Variants in GABRB2 observed in about 807,000 individuals in gnomAD.
GABRB2 encodes gamma-aminobutyric acid receptor subunit beta-2.
Under a neutral mutation model 54.7 loss-of-function variants are expected in GABRB2, and 16 were observed. The ratio of observed to expected loss-of-function variants is 0.29; its 90% CI spans 0.20 to 0.44. The LOEUF is 0.44. Among genes scored for constraint, GABRB2 ranks in the 20% least tolerant of loss-of-function variants. The pLI, the probability that GABRB2 is intolerant of heterozygous loss-of-function variation, is 1.00. For missense variants in GABRB2, 355 were observed against 644.0 expected, an observed-to-expected ratio of 0.55 and a Z score of 4.86; for synonymous variants, 244 against 233.8, an observed-to-expected ratio of 1.04 and a Z score of -0.40.
intron 3 of GABRB2, among the ~76,000 whole-genome samples, chr5:161,463,952 C>A (rs1302806634): frequency 2.0e-5 from 3 of 151,656 alleles, no homozygotes; most frequent in African/African-American, 7.3e-5. Context: ...AATTTAATTC[C>A]AGATATGTCA....
At chr5:161,333,298 G>A (rs1452145331) in intron 7 of GABRB2, among the ~76,000 whole-genome samples, 1 of 152,144 alleles carries the variant, frequency 6.6e-6, no homozygotes, top group African/African-American at 2.4e-5. Flanking sequence ...AACTAGATAT[G>A]GACCTTTCCT....
At chr5:161,296,522 G>A (rs1241927298) in intron 9 of GABRB2, among the ~76,000 whole-genome samples, 2 of 152,174 alleles carry the variant, frequency 1.3e-5, no homozygotes, top group Non-Finnish European at 2.9e-5. Flanking sequence ...CCTATTAAGG[G>A]AAATTTGCCT....
intron 3 of GABRB2, among the ~76,000 whole-genome samples, chr5:161,494,019 T>C (rs1379583061): frequency 6.6e-6 from 1 of 151,734 alleles, no homozygotes; most frequent in African/African-American, 2.4e-5. Flanking sequence ...TTGCAACAAA[T>C]ACATACAATT....
intron 5 of GABRB2, among the ~76,000 whole-genome samples, chr5:161,386,728 G>A (rs1415558669): frequency 6.6e-6 from 1 of 151,522 alleles, no homozygotes; most frequent in Non-Finnish European, 1.5e-5. Flanking sequence ...TTTTGGTGGA[G>A]GTGGGGTTTC....
chr5:161,414,951 C>T (rs1201163828), intron 4 of GABRB2, among the ~76,000 whole-genome samples: 1 of 152,056 alleles, frequency 6.6e-6, no homozygotes, highest in East Asian at 1.9e-4. Flanking sequence ...CAGGAATAAA[C>T]ATCTAAATCT....
At chr5:161,543,485 T>A (rs1760882115) in intron 3 of GABRB2, among the ~76,000 whole-genome samples, 1 of 152,138 alleles carries the variant, frequency 6.6e-6, no homozygotes, top group Admixed American at 6.5e-5. Flanking sequence ...AAAATCTCAT[T>A]TTGTGATGCT....
At chr5:161,540,966 C>T (rs1760792993) in intron 3 of GABRB2, among the ~76,000 whole-genome samples, 1 of 152,106 alleles carries the variant, frequency 6.6e-6, no homozygotes, top group East Asian at 1.9e-4. Flanking sequence ...CCACCTCAGC[C>T]TCCTGAGTAG....
At chr5:161,388,695 G>A (rs1755722792) in intron 5 of GABRB2, among the ~76,000 whole-genome samples, 1 of 151,798 alleles carries the variant, frequency 6.6e-6, no homozygotes, top group Non-Finnish European at 1.5e-5. Flanking sequence ...AAAATTAGAT[G>A]CTTTAGGGCT....
intron 9 of GABRB2, among the ~76,000 whole-genome samples, chr5:161,308,501 C>A (rs1757766922): frequency 6.6e-6 from 1 of 152,138 alleles, no homozygotes; most frequent in Non-Finnish European, 1.5e-5. Context: ...CTAGAAAAAA[C>A]TATCCATATA....
chr5:161,359,780 A>G (rs780040998), intron 5 of GABRB2, among the ~76,000 whole-genome samples: 35 of 152,168 alleles, frequency 2.3e-4, no homozygotes, highest in Non-Finnish European at 1.3e-4. Context: ...CTCATGTTAT[A>G]CTTTGTCTTT....
intron 3 of GABRB2, among the ~76,000 whole-genome samples, chr5:161,525,336 A>G (rs1760245126): frequency 6.6e-6 from 1 of 151,398 alleles, no homozygotes; most frequent in African/African-American, 2.4e-5. Flanking sequence ...AAATATTCCA[A>G]TGTATATCTT....
intron 3 of GABRB2, among the ~76,000 whole-genome samples, chr5:161,477,751 G>C (rs933546955): frequency 6.6e-6 from 1 of 151,942 alleles, no homozygotes; most frequent in Non-Finnish European, 1.5e-5. Context: ...GATGTATCTA[G>C]AGTAGTGAAG....
intron 3 of GABRB2, among the ~76,000 whole-genome samples, chr5:161,509,744 C>A (rs566743586): frequency 6.6e-6 from 1 of 151,974 alleles, no homozygotes; most frequent in South Asian, 2.1e-4. Context: ...TCCATACAAC[C>A]AGCACAGCTT....
At chr5:161,334,971 T>C (rs1053086339) in intron 6 of GABRB2, 67 bp from the exon 7 acceptor site, 2 of 1,481,402 alleles carry the variant, frequency 1.4e-6, no homozygotes, top group African/African-American at 2.8e-5. Context: ...TCTTTAAAGG[T>C]GCATAAACAG....
intron 4 of GABRB2, among the ~76,000 whole-genome samples, chr5:161,437,447 C>A (rs1368663403): frequency 1.3e-5 from 2 of 152,100 alleles, no homozygotes; most frequent in African/African-American, 2.4e-5. Context: ...TGGCAGCATT[C>A]ATCACTTGCT....
chr5:161,492,184 T>C (rs1431350060), intron 3 of GABRB2, among the ~76,000 whole-genome samples: 2 of 151,636 alleles, frequency 1.3e-5, no homozygotes, highest in South Asian at 2.1e-4. Flanking sequence ...TAAAATTGAC[T>C]CATAAAATAC....
At chr5:161,373,434 C>A (rs1485017476) in intron 5 of GABRB2, among the ~76,000 whole-genome samples, 1 of 152,166 alleles carries the variant, frequency 6.6e-6, no homozygotes, top group African/African-American at 2.4e-5. Flanking sequence ...GAACCATGCT[C>A]TTTTGGGGCT....
At chr5:161,466,855 A>G (rs1410576614) in intron 3 of GABRB2, among the ~76,000 whole-genome samples, 1 of 151,992 alleles carries the variant, frequency 6.6e-6, no homozygotes, top group Admixed American at 6.6e-5. Context: ...TTTATTATCT[A>G]TGGAGTTTTT....
chr5:161,381,189 C>A (rs1036096063), intron 5 of GABRB2, among the ~76,000 whole-genome samples: 1 of 152,130 alleles, frequency 6.6e-6, no homozygotes, highest in Non-Finnish European at 1.5e-5. Flanking sequence ...GGGTAAGTCA[C>A]TTCAACTTTT....
Sources: allele counts gnomAD v4.1 joint callset (sites outside exome capture counted in the v4.1 genomes callset), GRCh38; gene constraint gnomAD v4.1.1; transcripts MANE v1.5; gene names NCBI Gene and HGNC (gene_info 2026-07-23, HGNC 2026-07-21).